The following RBFOX1 variants were observed in gnomAD, a reference collection of about 807,000 sequenced individuals.
RBFOX1 encodes RNA binding protein fox-1 homolog 1.
A neutral mutation model predicts 57.7 loss-of-function variants in RBFOX1; 8 were observed. The ratio of observed to expected loss-of-function variants is 0.14; its 90% CI spans 0.08 to 0.25. The LOEUF is 0.25. RBFOX1 is among the 10% of genes least tolerant of loss of function. The probability of loss-of-function intolerance (pLI) is 1.00; values close to 1 mark genes in which losing one functional copy is unlikely to be tolerated. For missense variants in RBFOX1, 611 were observed against 548.5 expected (o/e 1.11, Z -1.14); for synonymous variants, 326 against 222.4 (o/e 1.47, Z -4.15).
intron 4 of RBFOX1, among the ~76,000 whole-genome samples, chr16:7,093,440 C>G (rs1268185279): frequency 1.3e-5 from 2 of 152,116 alleles, no homozygotes; most frequent in Non-Finnish European, 2.9e-5. Context: ...CTGACATAGT[C>G]ACATCTTTAA....
intron 1 of RBFOX1, among the ~76,000 whole-genome samples, chr16:5,432,754 C>G (rs2067792071): frequency 6.6e-6 from 1 of 152,032 alleles, no homozygotes; most frequent in Admixed American, 6.6e-5. Context: ...GTCTTTCCCA[C>G]AGATTAATGA....
At chr16:6,644,730 G>T (rs1374380706) in intron 2 of RBFOX1, among the ~76,000 whole-genome samples, 1 of 152,156 alleles carries the variant, frequency 6.6e-6, no homozygotes, top group Non-Finnish European at 1.5e-5. Flanking sequence ...GGGCTGTATT[G>T]TGGAAACACC....
At chr16:7,609,490 A>G (rs1156623183) in intron 10 of RBFOX1, among the ~76,000 whole-genome samples, 1 of 152,232 alleles carries the variant, frequency 6.6e-6, no homozygotes, top group Non-Finnish European at 1.5e-5. Context: ...CTTCTAGAAC[A>G]TTAGAGCAGC....
At chr16:6,203,397 C>G (rs1047775317) in intron 1 of RBFOX1, among the ~76,000 whole-genome samples, 3 of 152,166 alleles carry the variant, frequency 2.0e-5, no homozygotes, top group Non-Finnish European at 2.9e-5. Context: ...ACCTCTGGGT[C>G]TGTCCAAGTA....
At chr16:6,369,573 C>G (rs1316283827) in intron 2 of RBFOX1, among the ~76,000 whole-genome samples, 2 of 152,156 alleles carry the variant, frequency 1.3e-5, no homozygotes, top group Non-Finnish European at 2.9e-5. Flanking sequence ...CTTTCCATGT[C>G]CTCGAGGGCT....
At chr16:6,645,344 G>A (rs1403924959) in intron 2 of RBFOX1, among the ~76,000 whole-genome samples, 1 of 152,118 alleles carries the variant, frequency 6.6e-6, no homozygotes, top group East Asian at 1.9e-4. Context: ...TGAACCCCGT[G>A]CTGGCTACTC....
intron 1 of RBFOX1, among the ~76,000 whole-genome samples, chr16:6,212,376 T>G (rs1032776472): frequency 6.6e-6 from 1 of 152,120 alleles, no homozygotes; most frequent in Non-Finnish European, 1.5e-5. Context: ...AAATTACAGA[T>G]AGGTACACAT....
chr16:6,902,623 CAGAA>C (rs1370903135), intron 3 of RBFOX1, among the ~76,000 whole-genome samples: 4 of 152,170 alleles, frequency 2.6e-5, no homozygotes, highest in Middle Eastern at 3.4e-3. Context: ...TCAGGAGGCT[CAGAA>C]AGGAGAATTG....
At chr16:5,729,501 C>G (rs1364488316) in intron 3 of RBFOX1, among the ~76,000 whole-genome samples, 3 of 144,490 alleles carry the variant, frequency 2.1e-5, no homozygotes, top group Admixed American at 1.5e-4. Flanking sequence ...ATGTAAAAAT[C>G]ACAGCATGGG....
intron 3 of RBFOX1, among the ~76,000 whole-genome samples, chr16:5,619,477 C>T (rs1207839828): frequency 1.3e-5 from 2 of 152,214 alleles, no homozygotes; most frequent in African/African-American, 4.8e-5. Context: ...CCCGAGACTT[C>T]ACTCACAATC....
At chr16:7,100,365 C>G (rs1567254920) in intron 4 of RBFOX1, among the ~76,000 whole-genome samples, 3 of 151,984 alleles carry the variant, frequency 2.0e-5, no homozygotes, top group African/African-American at 2.4e-5. Flanking sequence ...TAGAATCTGA[C>G]TCCCCCCAGC....
At chr16:7,172,231 A>G (rs1301652504) in intron 4 of RBFOX1, among the ~76,000 whole-genome samples, 1 of 152,016 alleles carries the variant, frequency 6.6e-6, no homozygotes, top group Non-Finnish European at 1.5e-5. Flanking sequence ...AAATCCACAT[A>G]CTCTTCAATA....
At chr16:5,260,241 G>A (rs919430438) in intron 1 of RBFOX1, among the ~76,000 whole-genome samples, 1 of 152,012 alleles carries the variant, frequency 6.6e-6, no homozygotes, top group African/African-American at 2.4e-5. Context: ...AAGGACATTG[G>A]TGACATAGTC....
At chr16:6,864,244 C>T (rs1033656995) in intron 3 of RBFOX1, among the ~76,000 whole-genome samples, 1 of 152,144 alleles carries the variant, frequency 6.6e-6, no homozygotes, top group Non-Finnish European at 1.5e-5. Flanking sequence ...CTTCTCAAAG[C>T]ATAACTCTTC....
At chr16:5,515,978 C>T (rs140014397) in intron 2 of RBFOX1, among the ~76,000 whole-genome samples, 327 of 152,328 alleles carry the variant, frequency 2.1e-3, no homozygotes, top group African/African-American at 7.1e-3. Context: ...AATCAGAGAG[C>T]ACCAGAGCGT....
chr16:5,494,786 TG>T (rs547441694), intron 2 of RBFOX1, among the ~76,000 whole-genome samples: 1 of 152,214 alleles, frequency 6.6e-6, no homozygotes, highest in African/African-American at 2.4e-5. Context: ...CCTGGGCATC[TG>T]GGGTGGATCA....
intron 2 of RBFOX1, among the ~76,000 whole-genome samples, chr16:6,477,845 G>A (rs932364997): frequency 6.6e-6 from 1 of 152,130 alleles, no homozygotes; most frequent in African/African-American, 2.4e-5. Flanking sequence ...TTCAGGGTAA[G>A]TTGCTGCAGC....
chr16:6,066,488 T>C (rs2095764771), intron 1 of RBFOX1, among the ~76,000 whole-genome samples: 1 of 151,950 alleles, frequency 6.6e-6, no homozygotes, highest in Non-Finnish European at 1.5e-5. Flanking sequence ...AGCTGAGAAA[T>C]GGGAATACAT....
chr16:6,483,896 A>C, intron 2 of RBFOX1: 1 of 1,148,162 alleles, frequency 8.7e-7, no homozygotes, highest in East Asian at 5.0e-5. Context: ...CTGCGTTTGC[A>C]GCGCGTGAAT....
Sources: allele counts gnomAD v4.1 joint callset (sites outside exome capture counted in the v4.1 genomes callset), GRCh38; gene constraint gnomAD v4.1.1; transcripts MANE v1.5; gene names NCBI Gene and HGNC (gene_info 2026-07-23, HGNC 2026-07-21).